Variants in RNF213 observed in about 807,000 individuals in gnomAD.
RNF213 encodes the protein E3 ubiquitin-protein ligase RNF213.
RNF213 carries 341 observed loss-of-function variants against 514.4 expected under a neutral mutation model. That is an observed-to-expected ratio of 0.66 (90% confidence interval 0.61 to 0.73). The LOEUF (loss-of-function observed/expected upper bound fraction) is 0.73, where lower values mean the gene tolerates loss of function less well. Among genes scored for constraint, RNF213 ranks in the 30% least tolerant of loss-of-function variants. The pLI, the probability that RNF213 is intolerant of heterozygous loss-of-function variation, is 0.00. For missense variants in RNF213, 5,767 were observed against 6,615.6 expected (o/e 0.87, Z 4.45); for synonymous variants, 2,655 against 2,658.2 (o/e 1.00, Z 0.04).
chr17:80,296,962 A>AGCC (rs1345111460), intron 10 of RNF213, among the ~76,000 whole-genome samples: 1 of 151,452 alleles, frequency 6.6e-6, no homozygotes, highest in East Asian at 2.0e-4. Flanking sequence ...TATAGACATG[A>AGCC]GCCACTGTGC....
chr17:80,287,859 C>T lies in RNF213; in HGVS notation c.306C>T (p.Ser102=), dbSNP rs148089096. 27 of 1,604,630 alleles carry T rather than the reference C, an allele frequency of 1.7e-5. No homozygotes were observed. The highest frequency in any genetic ancestry group is 4.0e-5 in the African/African-American group (3 of 74,262). Residue 102 remains serine (S), a synonymous_variant, in exon 4 of 68, where the codon TCC becomes TCT. Coordinates refer to ENST00000582970, the MANE Select transcript of RNF213 (RefSeq NM_001256071.3). Reference sequence around the variant, plus strand: ...AGAAGAAAAAGAAGGGGAACAAGTCCGCTTCCTCAGAGCTGGCTTCCTTGC... The same window carrying T: ...AGAAGAAAAAGAAGGGGAACAAGTCTGCTTCCTCAGAGCTGGCTTCCTTGC... ...KRKKKKKGNK[S]ASSELASLPL...
chr17:80,327,736 T>C, intron 18 of RNF213, 80 bp from the exon 19 acceptor site: 1 of 1,248,120 alleles, frequency 8.0e-7, no homozygotes, highest in Non-Finnish European at 1.1e-6. Flanking sequence ...AACAAGAGGT[T>C]ATCTGGAATT....
rs2078036222 is a variant in RNF213 at position 80,337,903 on chromosome 17, A to G, written c.4739A>G (p.Tyr1580Cys). The G allele has an allele frequency of 6.5e-7, 1 of 1,537,150 alleles. No individual in the cohort carries two copies. The highest frequency in any genetic ancestry group is 8.7e-7 in the Non-Finnish European group (1 of 1,146,898). Residue 1580 changes from tyrosine (Y) to cysteine (C), a missense_variant, in exon 25 of 68, where the codon TAC becomes TGC. By Grantham distance (194) the Tyr-to-Cys change is radical (BLOSUM62 -2). Around this residue, in one of 13 missense-constraint regions of RNF213, gnomAD observed 1,377 missense variants for 1,635.2 expected, o/e 0.84. Coordinates refer to ENST00000582970, the MANE Select transcript of RNF213 (RefSeq NM_001256071.3). ...GGCAGCCACGAGGAGTCACGAGAGT[A>G]CTCTTTAGAGGAGGTGAAGGAGCTT... ...SPGSHEESRE[Y>C]SLEEVKELLN...
At position 80,344,899 on chromosome 17, in the gene RNF213, C is replaced by T. The variant is rs759314994; in HGVS notation, c.6564C>T (p.Gly2188=). 1 of 1,614,148 alleles carries T rather than the reference C, an allele frequency of 6.2e-7. No individual in the cohort carries two copies. The highest frequency in any genetic ancestry group is 1.1e-5 in the South Asian group (1 of 91,082). The part of the protein sequence containing the change: ...QDLDTFQYQE[G]SVEGTPEECL... Reference sequence around the variant, plus strand: ...TAGACACGTTTCAGTATCAAGAAGGCTCTGTCGAAGGCACCCCGGAGGAAT... The same window carrying T: ...TAGACACGTTTCAGTATCAAGAAGGTTCTGTCGAAGGCACCCCGGAGGAAT... Residue 2188 remains glycine, a synonymous_variant, in exon 29 of 68, where the codon GGC becomes GGT. Transcript: ENST00000582970.
At chr17:80,331,592 T>C (rs1032579297) in intron 20 of RNF213, among the ~76,000 whole-genome samples, 1 of 152,138 alleles carries the variant, frequency 6.6e-6, no homozygotes, top group Non-Finnish European at 1.5e-5. Context: ...TTTTGTCATG[T>C]TGGCCAGGCT....
rs2046078876 is a variant in RNF213, at chr17:80,319,830, C to T, written c.3024+518C>T. The stretch of plus-strand genomic sequence containing the variant: ...CAGGCAATGCCACATGAGGAAGCTC[C>T]CTGCTGGCCACGGCTGCCCTGCTCA... On this transcript the variant is annotated intron_variant, in intron 17 of 67. Transcript: ENST00000582970. 5 of 1,205,030 alleles carry T rather than the reference C, an allele frequency of 4.1e-6. No individual in the cohort carries two copies. The South Asian group carries it at 6.6e-5, about 16-fold the overall frequency. 74.6% of individuals were successfully genotyped at this position (1,205,030 alleles called of 1,614,324 possible).
At position 80,303,794 on chromosome 17, in the gene RNF213, T is replaced by C. The variant is rs575685388; in HGVS notation, c.2211-2458T>C. Among the ~76,000 whole-genome samples, 3 of 151,848 alleles carry C rather than the reference T, an allele frequency of 2.0e-5. No individual in the cohort carries two copies. In the East Asian group the frequency reaches 5.8e-4, roughly 29 times the overall value. The stretch of plus-strand genomic sequence containing the variant: ...CATGTTGGCCAGGCTGGTCTTGAAC[T>C]CCTGGCCTCAAGTGATCTGCCCGCC... On this transcript the variant is annotated intron_variant, in intron 11 of 67. Transcript: ENST00000582970.
chr17:80,351,191 T>C (rs1224709773), intron 31 of RNF213, among the ~76,000 whole-genome samples: 1 of 152,214 alleles, frequency 6.6e-6, no homozygotes, highest in African/African-American at 2.4e-5. Flanking sequence ...TTTGTTGAAA[T>C]GGAAAGGTCC....
chr17:80,313,212 G>A (rs777408479), intron 15 of RNF213, 45 bp downstream of exon 15: 9 of 1,612,136 alleles, frequency 5.6e-6, no homozygotes, highest in South Asian at 3.3e-5. Flanking sequence ...GTGACTGATC[G>A]TGATTCCTCA....
At chr17:80,337,553 C>A in intron 23 of RNF213, 33 bp from the exon 24 acceptor site, 1 of 1,534,198 alleles carries the variant, frequency 6.5e-7, no homozygotes, top group Middle Eastern at 1.7e-4. Flanking sequence ...TCGCTCCAAC[C>A]GTGGCCCGTG....
intron 17 of RNF213, among the ~76,000 whole-genome samples, chr17:80,324,800 G>T (rs7212829): frequency 0.65 from 97,976 of 151,798 alleles, 32,487 homozygotes; most frequent in Middle Eastern, 0.7. Flanking sequence ...GTGTGTTTGT[G>T]TGTGTGTCTT....
chr17:80,309,863 CT>C (rs2045506322), intron 14 of RNF213, among the ~76,000 whole-genome samples: 2 of 152,018 alleles, frequency 1.3e-5, no homozygotes, highest in South Asian at 4.1e-4. Context: ...TCACGCCATT[CT>C]CCTGTCTCAA....
chr17:80,318,839 C>G (rs1408834991), intron 16 of RNF213, among the ~76,000 whole-genome samples: 1 of 152,206 alleles, frequency 6.6e-6, no homozygotes, highest in Non-Finnish European at 1.5e-5. Context: ...TCCCAAAGTG[C>G]TGGGATGACA....
Position 80,295,546 on chromosome 17 carries a change from C to T in RNF213, c.1756-11C>T. 6.2e-7 allele frequency: 1 copy of T among 1,614,070 alleles called. No individual in the cohort carries two copies. The highest frequency in any genetic ancestry group is 8.5e-7 in the Non-Finnish European group (1 of 1,179,986). On this transcript the variant is annotated splice_polypyrimidine_tract_variant and intron_variant, in intron 9 of 67. Coordinates refer to ENST00000582970, the MANE Select transcript of RNF213 (RefSeq NM_001256071.3). ...CATGGTTCATGCATCTTCCTCTTCT[C>T]CCACCATCAGGTGAAGAGATACCTG...
In RNF213 at chr17:80,288,727, C is replaced by T; in HGVS notation, c.905C>T (p.Thr302Ile). The stretch of plus-strand genomic sequence containing the variant: ...CAGAGAATGAAACAGCCACCAGCAA[C>T]CACTCCTCCTTTCAAAACACACTGC... ...KTQRMKQPPATTPPFKTHCQE... is the reference protein window; with the variant it reads ...KTQRMKQPPAITPPFKTHCQE... Residue 302 changes from threonine (T) to isoleucine (I), a missense_variant, in exon 5 of 68, where the codon ACC becomes ATC. This residue lies in a region of RNF213 where 509 missense variants were observed against 496.7 expected (regional missense o/e 1.02). Transcript: ENST00000582970. The surrounding 1 kb of genome is among the most constrained non-coding windows in gnomAD (Gnocchi z 4.9). 6.2e-7 allele frequency: 1 copy of T among 1,614,206 alleles called. No homozygotes were observed. The highest frequency in any genetic ancestry group is 8.5e-7 in the Non-Finnish European group (1 of 1,180,044).
rs752094262 is a variant in RNF213, at chr17:80,345,013, C to A, written c.6678C>A (p.Leu2226=). The change falls in exon 29 of 68, where the codon CTC becomes CTA. Residue 2226 remains leucine (L), a synonymous_variant. Coordinates refer to ENST00000582970, the MANE Select transcript of RNF213 (RefSeq NM_001256071.3). The surrounding 1 kb of genome is among the most constrained non-coding windows in gnomAD (Gnocchi z 6.0). The part of the protein sequence containing the change: ...RNFARFLNYQ[L]RDCEASLFCN... ...TTGCTCGGTTCCTGAATTATCAGCT[C>A]AGAGATTGTGAGGCCTCTCTCTTCT... 1.9e-6 allele frequency: 3 copies of A among 1,614,120 alleles called. No individual in the cohort carries two copies. The highest frequency in any genetic ancestry group is 1.7e-5 in the Admixed American group (1 of 60,014).
At position 80,347,814 on chromosome 17, in the gene RNF213, A is replaced by G. The variant is rs138493748; in HGVS notation, c.9479A>G (p.His3160Arg). 126 of 1,614,166 alleles carry G rather than the reference A, an allele frequency of 7.8e-5. No homozygotes were observed. In the African/African-American group the frequency reaches 1.4e-3, roughly 18 times the overall value. Residue 3160 changes from histidine to arginine, a missense_variant, in exon 29 of 68, where the codon CAC becomes CGC. By Grantham distance (29) the His-to-Arg change is conservative. Around this residue, in one of 13 missense-constraint regions of RNF213, gnomAD observed 919 missense variants for 1,121.0 expected, o/e 0.82. Coordinates refer to ENST00000582970, the MANE Select transcript of RNF213 (RefSeq NM_001256071.3). This position sits in a 1 kb window ranked among gnomAD's most constrained non-coding sequence, Gnocchi z 7.2. ...GAAGAGAAAGACGTCGTGTACAAAC[A>G]CTTTCCCATCCCCCTCATTAACCGG... ...VIEEKDVVYK[H>R]FPIPLINRLE...
At position 80,317,964 on chromosome 17, in the gene RNF213, C is replaced by G. The variant is rs527776870; in HGVS notation, c.2901+687C>G. ...ATTTTATTAAGCAATGGAAATGGCT[C>G]TCCATGGAGAGGGGAGCTGGAGAGG... is the stretch of plus-strand genomic sequence containing the variant. On this transcript the variant is annotated intron_variant, in intron 16 of 67. Coordinates refer to ENST00000582970, the MANE Select transcript of RNF213 (RefSeq NM_001256071.3). The surrounding 1 kb of genome is among the most constrained non-coding windows in gnomAD (Gnocchi z 4.1). Among the ~76,000 whole-genome samples, 3 of 152,120 alleles carry G rather than the reference C, an allele frequency of 2.0e-5. No individual in the cohort carries two copies. Among genetic ancestry groups the G allele is most frequent in the Non-Finnish European group, 4.4e-5 (3 of 68,006 alleles).
intron 54 of RNF213, among the ~76,000 whole-genome samples, chr17:80,378,904 T>C (rs1401878717): frequency 6.6e-6 from 1 of 152,112 alleles, no homozygotes; most frequent in Non-Finnish European, 1.5e-5. Context: ...CCAGGTGTGG[T>C]AGGTCACACC....
Sources: gnomAD v4.1 joint callset for allele counts (sites outside exome capture counted in the v4.1 genomes callset) on GRCh38, gnomAD v4.1.1 for gene constraint, gnomAD v4.1.1 regional missense constraint, Gnocchi (gnomAD v3.1) non-coding constraint, MANE v1.5 for transcripts, NCBI Gene and HGNC (gene_info 2026-07-23, HGNC 2026-07-21) for gene names.